TMEM9: variants seen among roughly 807,000 people sequenced by gnomAD.
TMEM9 encodes transmembrane protein 9.
A neutral mutation model predicts 22.8 loss-of-function variants in TMEM9; 13 were observed. The ratio of observed to expected loss-of-function variants is 0.57; its 90% CI spans 0.37 to 0.91. TMEM9 has a LOEUF of 0.91. TMEM9 is among the 40% of genes least tolerant of loss of function. The pLI is 0.01. For synonymous variants in TMEM9, 88 were observed against 93.0 expected (o/e 0.95, Z 0.31); for missense variants, 182 against 238.1 (o/e 0.76, Z 1.55).
At chr1:201,143,601 T>C (rs895393667) in intron 4 of TMEM9, among the ~76,000 whole-genome samples, 2 of 152,222 alleles carry the variant, frequency 1.3e-5, no homozygotes, top group African/African-American at 4.8e-5. Flanking sequence ...CTCCCCCGGC[T>C]TGTACATGGA....
At chr1:201,154,998 C>T (rs535328433), upstream of TMEM9, among the ~76,000 whole-genome samples, 161 of 152,286 alleles carry the variant, frequency 1.1e-3, no homozygotes, top group African/African-American at 3.7e-3. Context: ...GCGTCCTCAG[C>T]CTGATCCCCC....
Position 201,154,085 on chromosome 1 carries a change from G to A in TMEM9, c.-162C>T, listed in dbSNP as rs1572132880. 3.7e-6 allele frequency: 3 copies of A among 817,444 alleles called. No homozygotes were observed. The highest frequency in any genetic ancestry group is 5.7e-5 in the East Asian group (2 of 35,244). 50.6% of individuals were successfully genotyped at this position (817,444 alleles called of 1,614,324 possible). On this transcript the variant is annotated 5_prime_UTR_variant, in exon 1 of 5. Coordinates refer to ENST00000367330, the MANE Select transcript of TMEM9 (RefSeq NM_001288565.2). ...GCTGGGCTCCAGGATTCCAAGGCCTGCTAAACCTGGTCGCCAAACCCTGCT... is the reference window on the plus strand; with the variant it reads ...GCTGGGCTCCAGGATTCCAAGGCCTACTAAACCTGGTCGCCAAACCCTGCT...
intron 1 of TMEM9, among the ~76,000 whole-genome samples, chr1:201,153,220 A>G (rs1342812074): frequency 2.0e-5 from 3 of 152,246 alleles, no homozygotes; most frequent in African/African-American, 7.2e-5. Context: ...TTTACCGTTA[A>G]GAACTTATGT....
chr1:201,160,661 G>A (rs953389717), intron 1 of TMEM9, among the ~76,000 whole-genome samples: 14 of 151,248 alleles, frequency 9.3e-5, no homozygotes, highest in Non-Finnish European at 1.9e-4. Flanking sequence ...CTAGGGCTGG[G>A]CGCAGTGGCT....
In TMEM9 at chr1:201,153,871, G is replaced by C; in HGVS notation, c.53C>G (p.Ala18Gly). Residue 18 changes from alanine (A) to glycine (G), a missense_variant, in exon 1 of 5, where the codon GCT becomes GGT. Coordinates refer to ENST00000367330, the MANE Select transcript of TMEM9 (RefSeq NM_001288565.2). ...AVVGCLLVPP[A>G]EANKSSEDIR... is the part of the protein sequence containing the mutation. The stretch of plus-strand genomic sequence containing the variant: ...CACCTCCCTCACCTTGTTGGCTTCA[G>C]CTGGGGGCACCAGCAAACACCCGAC... The C allele has an allele frequency of 6.2e-7, 1 of 1,614,184 alleles. No homozygotes were observed. Among genetic ancestry groups the C allele is most frequent in the Non-Finnish European group, 8.5e-7 (1 of 1,180,018 alleles).
intron 4 of TMEM9, among the ~76,000 whole-genome samples, chr1:201,141,306 G>A (rs1664503555): frequency 6.6e-6 from 1 of 152,234 alleles, no homozygotes. Flanking sequence ...TAAGGTCTGT[G>A]CAAATCTCAA....
chr1:201,146,968 TC>T, intron 2 of TMEM9, 120 bp from the exon 3 acceptor site: 1 of 837,420 alleles, frequency 1.2e-6, no homozygotes, highest in Non-Finnish European at 1.9e-6. Flanking sequence ...TGAAGGGTGC[TC>T]CCAGAGAGGG....
intron 2 of TMEM9, 89 bp from the exon 3 acceptor site, chr1:201,146,937 G>A (rs2102258032): frequency 8.1e-7 from 1 of 1,235,138 alleles, no homozygotes; most frequent in South Asian, 1.3e-5. Flanking sequence ...GGGGAGCTGA[G>A]AGGTAGGGGC....
chr1:201,160,369 C>A (rs1014770337), intron 1 of TMEM9, among the ~76,000 whole-genome samples: 3 of 152,078 alleles, frequency 2.0e-5, no homozygotes, highest in African/African-American at 7.2e-5. Flanking sequence ...GCAGGCGGAT[C>A]ACCTGAGGTC....
chr1:201,164,983 T>C (rs1486801265), intron 1 of TMEM9, among the ~76,000 whole-genome samples: 1 of 151,762 alleles, frequency 6.6e-6, no homozygotes, highest in Non-Finnish European at 1.5e-5. Flanking sequence ...AATTAACTCA[T>C]GTCAGGCCCA....
intron 1 of TMEM9, among the ~76,000 whole-genome samples, chr1:201,169,025 C>T (rs1167212598): frequency 3.5e-5 from 5 of 144,810 alleles, no homozygotes; most frequent in Non-Finnish European, 7.5e-5. Flanking sequence ...CTGGTCTGAA[C>T]TCCTGGGCTA....
Position 201,153,968 on chromosome 1 carries a change from A to G in TMEM9, c.-45T>C. ...CCAGCAAAGCCGGACACCTGGAAAA[A>G]GAGATACGGAGTCGGAGAAGGGGAA... On this transcript the variant is annotated 5_prime_UTR_variant, in exon 1 of 5. Coordinates refer to ENST00000367330, the MANE Select transcript of TMEM9 (RefSeq NM_001288565.2). 6.3e-7 allele frequency: 1 copy of G among 1,575,158 alleles called. No individual in the cohort carries two copies. The highest frequency in any genetic ancestry group is 8.6e-7 in the Non-Finnish European group (1 of 1,160,064).
At chr1:201,144,081 G>A (rs1558108761) in intron 3 of TMEM9, 130 bp from the exon 4 acceptor site, 1 of 942,244 alleles carries the variant, frequency 1.1e-6, no homozygotes, top group African/African-American at 1.6e-5. Flanking sequence ...AGGACTTGGA[G>A]GCAACGTGGG....
At chr1:201,152,788 C>T (rs890595088) in intron 1 of TMEM9, among the ~76,000 whole-genome samples, 5 of 152,190 alleles carry the variant, frequency 3.3e-5, no homozygotes, top group Admixed American at 3.3e-4. Context: ...GTTAACATTG[C>T]AGAAAAGCAC....
At chr1:201,152,687 T>A (rs1280211297) in intron 1 of TMEM9, among the ~76,000 whole-genome samples, 3 of 152,232 alleles carry the variant, frequency 2.0e-5, no homozygotes, top group African/African-American at 7.2e-5. Context: ...CAACTGCTAC[T>A]ACAGGTGGTA....
At chr1:201,145,171 G>A (rs1468310937) in intron 3 of TMEM9, 1 of 152,314 alleles carries the variant, frequency 6.6e-6, no homozygotes, top group Non-Finnish European at 1.5e-5. Flanking sequence ...AAGTTGAGGG[G>A]AGCCTCCTAG....
At chr1:201,159,779 A>G (rs1189839337) in intron 1 of TMEM9, among the ~76,000 whole-genome samples, 3 of 152,180 alleles carry the variant, frequency 2.0e-5, no homozygotes, top group Admixed American at 2.0e-4. Context: ...AATAAATGAC[A>G]AACTCTACCT....
chr1:201,141,526 T>A (rs1453713015), intron 4 of TMEM9, among the ~76,000 whole-genome samples: 2 of 152,176 alleles, frequency 1.3e-5, no homozygotes, highest in African/African-American at 4.8e-5. Context: ...GAGAGTTGGC[T>A]GCACCCTAGG....
At position 201,143,949 on chromosome 1, in the gene TMEM9, G is replaced by A; in HGVS notation, c.270C>T (p.Val90=). 1.2e-6 allele frequency: 2 copies of A among 1,614,122 alleles called. No individual in the cohort carries two copies. The highest frequency in any genetic ancestry group is 1.7e-6 in the Non-Finnish European group (2 of 1,180,006). Residue 90 remains valine, a splice_region_variant and synonymous_variant, in exon 4 of 5, where the codon GTC becomes GTT. Coordinates refer to ENST00000367330, the MANE Select transcript of TMEM9 (RefSeq NM_001288565.2). The part of the protein sequence containing the change: ...YEERSTTTIK[V]IIVIYLSVVG... The stretch of plus-strand genomic sequence containing the variant: ...CCACGGACAGGTAGATGACAATGAT[G>A]ACCTGAGGAAGAGACCGGCGTGCCT...
Sources: gnomAD v4.1 joint callset for allele counts (sites outside exome capture counted in the v4.1 genomes callset) on GRCh38, gnomAD v4.1.1 for gene constraint, MANE v1.5 for transcripts, NCBI Gene and HGNC (gene_info 2026-07-23, HGNC 2026-07-21) for gene names.